The following DOCK3 variants were observed in gnomAD, a reference collection of about 807,000 sequenced individuals.
DOCK3 encodes dedicator of cytokinesis protein 3.
DOCK3 carries 60 observed loss-of-function variants against 265.6 expected under a neutral mutation model. The observed-to-expected ratio is 0.23, with a 90% CI of 0.18 to 0.28. DOCK3 has a LOEUF of 0.28. DOCK3 is among the 10% of genes least tolerant of loss of function. DOCK3 has a pLI of 1.00. For missense variants in DOCK3, 1,981 were observed against 2,594.3 expected (o/e 0.76, Z 5.14); for synonymous variants, 881 against 938.0 (o/e 0.94, Z 1.11).
In DOCK3 at chr3:51,153,610, C is replaced by T. The variant is rs58657228; in HGVS notation, c.829-5634C>T. ...GTCGATCATGCTGGGAGCTGCAGAC[C>T]GGAGCTGTTCCTATTCGGCTATCTT... On this transcript the variant is annotated intron_variant, in intron 10 of 52. Transcript: ENST00000266037. Among the ~76,000 whole-genome samples the T allele has an allele frequency of 3.0e-3, 460 of 152,228 alleles. 11 individuals are homozygous for T. In the East Asian group the frequency reaches 0.071, roughly 23 times the overall value.
At chr3:51,289,652 A>G (rs2081619169) in intron 27 of DOCK3, among the ~76,000 whole-genome samples, 3 of 152,056 alleles carry the variant, frequency 2.0e-5, no homozygotes, top group Admixed American at 6.6e-5. Flanking sequence ...TTAAGACCCA[A>G]CTATATGCTG....
intron 5 of DOCK3, among the ~76,000 whole-genome samples, chr3:51,049,793 C>CACA (rs1553745084): frequency 3.6e-4 from 53 of 147,318 alleles, no homozygotes; most frequent in African/African-American, 8.2e-4. Flanking sequence ...CCTAATGGGT[C>CACA]CACACACACA....
intron 21 of DOCK3, among the ~76,000 whole-genome samples, chr3:51,239,561 T>G (rs2078506358): frequency 7.1e-6 from 1 of 140,036 alleles, no homozygotes; most frequent in African/African-American, 2.7e-5. Context: ...CTGGGTTTTT[T>G]TTTTGTTTGT....
intron 1 of DOCK3, among the ~76,000 whole-genome samples, chr3:50,747,807 T>C (rs1480951654): frequency 6.6e-6 from 1 of 151,062 alleles, no homozygotes. Context: ...GAGGTTGCAG[T>C]GAGCCAAGAT....
At chr3:51,289,901 A>G (rs980091451) in intron 27 of DOCK3, among the ~76,000 whole-genome samples, 7 of 152,268 alleles carry the variant, frequency 4.6e-5, no homozygotes, top group African/African-American at 1.7e-4. Flanking sequence ...TCTCAAAAGA[A>G]GACATTTATG....
At chr3:51,041,698 T>C (rs2080539783) in intron 5 of DOCK3, among the ~76,000 whole-genome samples, 1 of 152,208 alleles carries the variant, frequency 6.6e-6, no homozygotes, top group Non-Finnish European at 1.5e-5. Context: ...GAATCTTTTT[T>C]TCTGAGCAAT....
At chr3:51,343,573 G>A (rs1218724757) in intron 38 of DOCK3, among the ~76,000 whole-genome samples, 3 of 152,206 alleles carry the variant, frequency 2.0e-5, no homozygotes, top group East Asian at 3.8e-4. Context: ...AGACTGGTAA[G>A]GCATTTTGGA....
chr3:50,730,714 C>G (rs2038148367), intron 1 of DOCK3, among the ~76,000 whole-genome samples: 1 of 152,078 alleles, frequency 6.6e-6, no homozygotes, highest in African/African-American at 2.4e-5. Flanking sequence ...ACCTGTAGTC[C>G]TAGCTACTTG....
chr3:50,780,348 G>C (rs1173538595), intron 2 of DOCK3, among the ~76,000 whole-genome samples: 3 of 152,132 alleles, frequency 2.0e-5, no homozygotes, highest in Admixed American at 2.0e-4. Flanking sequence ...AGGAGTACCT[G>C]AGGCTGTATA....
At chr3:51,001,087 G>T (rs993415988) in intron 5 of DOCK3, among the ~76,000 whole-genome samples, 1 of 152,170 alleles carries the variant, frequency 6.6e-6, no homozygotes, top group Non-Finnish European at 1.5e-5. Flanking sequence ...GATCTATTTC[G>T]AATAAAGCAG....
chr3:51,296,240 A>G (rs1385385580), intron 27 of DOCK3, among the ~76,000 whole-genome samples: 1 of 152,238 alleles, frequency 6.6e-6, no homozygotes, highest in East Asian at 1.9e-4. Context: ...ATCAAAATGA[A>G]TAAAAAAGAA....
At chr3:50,728,370 T>C (rs2037967523) in intron 1 of DOCK3, among the ~76,000 whole-genome samples, 1 of 152,074 alleles carries the variant, frequency 6.6e-6, no homozygotes, top group South Asian at 2.1e-4. Context: ...AAGAAAAACT[T>C]AAACAATCTA....
chr3:51,015,060 T>A (rs1295964822), intron 5 of DOCK3, among the ~76,000 whole-genome samples: 1 of 152,160 alleles, frequency 6.6e-6, no homozygotes, highest in Non-Finnish European at 1.5e-5. Context: ...TTTCTAAATA[T>A]AAGGTCATAT....
At chr3:50,940,933 A>G (rs2076274290) in intron 5 of DOCK3, among the ~76,000 whole-genome samples, 1 of 152,186 alleles carries the variant, frequency 6.6e-6, no homozygotes, top group Admixed American at 6.5e-5. Flanking sequence ...AGTTAACTCA[A>G]AATGGATTAT....
chr3:50,934,031 C>T lies in DOCK3; in HGVS notation c.269C>T (p.Thr90Ile). 5.0e-6 allele frequency: 8 copies of T among 1,610,778 alleles called. No individual in the cohort carries two copies. Among genetic ancestry groups the T allele is most frequent in the Non-Finnish European group, 6.8e-6 (8 of 1,178,164 alleles). Reference sequence around the variant, plus strand: ...GAAGATTCTATTGTGACTGAGGTTACAGCAACTCTACAAGAATGGGCAAGT... The same window carrying T: ...GAAGATTCTATTGTGACTGAGGTTATAGCAACTCTACAAGAATGGGCAAGT... ...PLEDSIVTEV[T>I]ATLQEWASLW... The change falls in exon 5 of 53, where the codon ACA becomes ATA. Residue 90 changes from threonine (T) to isoleucine (I), a missense_variant. Physicochemically the swap from Thr to Ile is moderately conservative, Grantham distance 89. Around this residue, in one of 4 missense-constraint regions of DOCK3, gnomAD observed 456 missense variants for 539.0 expected, o/e 0.85. Transcript: ENST00000266037.
At chr3:51,179,997 C>T (rs2087189455) in intron 12 of DOCK3, among the ~76,000 whole-genome samples, 1 of 151,982 alleles carries the variant, frequency 6.6e-6, no homozygotes, top group Non-Finnish European at 1.5e-5. Flanking sequence ...CATTTGAGGT[C>T]AGGAGTTCAA....
rs146873993 is a variant in DOCK3, at chr3:50,774,596, T to C, written c.38-4079T>C. On this transcript the variant is annotated intron_variant, in intron 1 of 52. Transcript: ENST00000266037. Reference sequence around the variant, plus strand: ...TGTATTTGTTGTAATAGTTTATGTCTATATTCTTTTGGATTTTTTTTACAT... The same window carrying C: ...TGTATTTGTTGTAATAGTTTATGTCCATATTCTTTTGGATTTTTTTTACAT... 2.0e-5 allele frequency among the ~76,000 whole-genome samples: 3 copies of C among 152,192 alleles called. No homozygotes were observed. In the East Asian group the frequency reaches 5.8e-4, roughly 29 times the overall value.
rs569797334 is a variant in DOCK3 at position 51,383,148 on chromosome 3, T to C, written c.*1589T>C. The C allele has an allele frequency of 6.6e-6, 1 of 152,406 alleles. No individual in the cohort carries two copies. Among genetic ancestry groups the C allele is most frequent in the East Asian group, 1.9e-4 (1 of 5,184 alleles). The allele number at this position is 152,406 out of a possible 1,614,324, so 9.4% of individuals were successfully genotyped here. On this transcript the variant is annotated 3_prime_UTR_variant, in exon 53 of 53. Coordinates refer to ENST00000266037, the MANE Select transcript of DOCK3 (RefSeq NM_004947.5). ...TCTTTCCAGACAGTAAAGGCCATGG[T>C]CAGTGTGTTTTTCTCTTGTAAACAA...
intron 5 of DOCK3, among the ~76,000 whole-genome samples, chr3:50,986,031 C>T (rs1374118770): frequency 6.6e-6 from 1 of 151,996 alleles, no homozygotes; most frequent in African/African-American, 2.4e-5. Flanking sequence ...TATATTGTCA[C>T]TCCCCAGTCT....
Sources: allele counts gnomAD v4.1 joint callset (sites outside exome capture counted in the v4.1 genomes callset), GRCh38; gene constraint gnomAD v4.1.1; regional missense constraint gnomAD v4.1.1; transcripts MANE v1.5; gene names NCBI Gene and HGNC (gene_info 2026-07-23, HGNC 2026-07-21).